The following SCN8A variants were observed in gnomAD, a reference collection of about 807,000 sequenced individuals.
The protein encoded by SCN8A is sodium voltage-gated channel alpha subunit 8.
SCN8A carries 30 observed loss-of-function variants against 184.1 expected under a neutral mutation model. The observed-to-expected ratio is 0.16, with a 90% CI of 0.12 to 0.22. SCN8A has a LOEUF of 0.22. SCN8A is among the 10% of genes least tolerant of loss of function. The pLI, the probability that SCN8A is intolerant of heterozygous loss-of-function variation, is 1.00. For synonymous variants in SCN8A, 852 were observed against 907.0 expected, an observed-to-expected ratio of 0.94 and a Z score of 1.09; for missense variants, 1,057 against 2,498.9, an observed-to-expected ratio of 0.42 and a Z score of 12.30.
intron 25 of SCN8A, among the ~76,000 whole-genome samples, chr12:51,793,576 A>G (rs990382790): frequency 2.6e-5 from 4 of 152,176 alleles, no homozygotes; most frequent in African/African-American, 9.7e-5. Flanking sequence ...AAATTTAGAG[A>G]AAGAAGGGAT....
At chr12:51,700,836 A>G (rs1485552456) in intron 7 of SCN8A, among the ~76,000 whole-genome samples, 1 of 152,186 alleles carries the variant, frequency 6.6e-6, no homozygotes, top group East Asian at 1.9e-4. Context: ...CAACTCAGAA[A>G]ACTTACTTTT....
rs1352614116 is a variant in SCN8A at position 51,807,069 on chromosome 12, G to C, written c.5583G>C (p.Glu1861Asp). ...AGCGGGTCCTGGGAGATAGCGGGGA[G>C]TTGGACATCCTGCGGCAGCAGATGG... is the stretch of plus-strand genomic sequence containing the variant. The part of the protein sequence containing the change: ...FTKRVLGDSG[E>D]LDILRQQMEE... The change falls in exon 27 of 27, where the codon GAG becomes GAC. Residue 1861 changes from glutamate to aspartate, a missense_variant. Glu to Asp is a conservative substitution (Grantham distance 45). This residue lies in a region of SCN8A where 50 missense variants were observed against 125.8 expected (regional missense o/e 0.40). Transcript: ENST00000627620. This position sits in a 1 kb window ranked among gnomAD's most constrained non-coding sequence, Gnocchi z 4.5. 3.1e-6 allele frequency: 5 copies of C among 1,613,928 alleles called. No homozygotes were observed. Among genetic ancestry groups the C allele is most frequent in the Non-Finnish European group, 4.2e-6 (5 of 1,179,908 alleles).
chr12:51,695,535 G>A (rs1296069041), intron 6 of SCN8A, among the ~76,000 whole-genome samples: 1 of 152,152 alleles, frequency 6.6e-6, no homozygotes, highest in Non-Finnish European at 1.5e-5. Context: ...ATAATTCAGG[G>A]AACCCAAGGG....
At chr12:51,797,808 A>G (rs1225477841) in intron 26 of SCN8A, among the ~76,000 whole-genome samples, 1 of 152,262 alleles carries the variant, frequency 6.6e-6, no homozygotes, top group African/African-American at 2.4e-5. Context: ...ACTTAGAGGT[A>G]GCCCAAAGTG....
At chr12:51,785,508 A>G (rs1300791040) in intron 21 of SCN8A, among the ~76,000 whole-genome samples, 1 of 152,260 alleles carries the variant, frequency 6.6e-6, no homozygotes, top group Non-Finnish European at 1.5e-5. Flanking sequence ...CTGATCAGCC[A>G]CATGTCCTGA....
intron 17 of SCN8A, 41 bp from the exon 18 acceptor site, chr12:51,769,827 G>A (rs1310956557): frequency 1.5e-6 from 2 of 1,331,728 alleles, no homozygotes; most frequent in East Asian, 2.5e-5. Context: ...TGGGCATGTT[G>A]CCTCAGAGCT....
At chr12:51,802,298 G>T (rs1022501991) in intron 26 of SCN8A, among the ~76,000 whole-genome samples, 4 of 152,156 alleles carry the variant, frequency 2.6e-5, no homozygotes, top group South Asian at 2.1e-4. Flanking sequence ...CAGCCTGGGT[G>T]GGGGAAGGGA....
chr12:51,690,453 A>G (rs1379825492), intron 6 of SCN8A, among the ~76,000 whole-genome samples: 3 of 152,132 alleles, frequency 2.0e-5, no homozygotes, highest in East Asian at 1.9e-4. Flanking sequence ...CCAGGGCCCA[A>G]GTGATCCTTC....
rs192779472 is a variant in SCN8A, at chr12:51,743,658, C to T, written c.1999-2245C>T. Among the ~76,000 whole-genome samples, 64 of 152,308 alleles carry T rather than the reference C, an allele frequency of 4.2e-4. 1 individual carries two copies. The East Asian group carries it at 0.01, about 24-fold the overall frequency. On this transcript the variant is annotated intron_variant, in intron 12 of 26. Transcript: ENST00000627620. Reference sequence around the variant, plus strand: ...ACAGCACAGGGTCTCGCCCAAGGCCCGCTGTAACCACTACATGGCTGCCAC... The same window carrying T: ...ACAGCACAGGGTCTCGCCCAAGGCCTGCTGTAACCACTACATGGCTGCCAC...
Position 51,724,869 on chromosome 12 carries a change from C to T in SCN8A, c.1998+2961C>T, listed in dbSNP as rs570360871. ...AGGGGTTTTGTTTTTGTTTTTTTAG[C>T]ACCTTCTGTTACACTGTGTGGGAGA... is the stretch of plus-strand genomic sequence containing the variant. On this transcript the variant is annotated intron_variant, in intron 12 of 26. Coordinates refer to ENST00000627620, the MANE Select transcript of SCN8A (RefSeq NM_001330260.2). Among the ~76,000 whole-genome samples, 4 of 152,174 alleles carry T rather than the reference C, an allele frequency of 2.6e-5. No individual in the cohort carries two copies. The South Asian group carries it at 6.2e-4, about 24-fold the overall frequency.
intron 11 of SCN8A, among the ~76,000 whole-genome samples, chr12:51,708,909 A>T (rs1292156773): frequency 6.6e-6 from 1 of 152,008 alleles, no homozygotes; most frequent in Non-Finnish European, 1.5e-5. Context: ...TGATTAAAAC[A>T]TCATCCCTAC....
chr12:51,714,560 T>C (rs1409295093), intron 11 of SCN8A, among the ~76,000 whole-genome samples: 3 of 152,190 alleles, frequency 2.0e-5, no homozygotes, highest in Non-Finnish European at 2.9e-5. Flanking sequence ...TTTGACCTCA[T>C]GAGCCTTCCT....
At chr12:51,674,083 G>A (rs1250990628) in intron 2 of SCN8A, among the ~76,000 whole-genome samples, 1 of 152,234 alleles carries the variant, frequency 6.6e-6, no homozygotes, top group African/African-American at 2.4e-5. Flanking sequence ...TGTAACTGAA[G>A]CATAGAGTGT....
At chr12:51,728,055 G>A (rs1478448247) in intron 12 of SCN8A, among the ~76,000 whole-genome samples, 2 of 152,110 alleles carry the variant, frequency 1.3e-5, no homozygotes, top group Non-Finnish European at 2.9e-5. Context: ...TGTACCCTAA[G>A]TTTAACAGAT....
intron 1 of SCN8A, among the ~76,000 whole-genome samples, chr12:51,648,208 A>C (rs1940633123): frequency 6.6e-6 from 1 of 152,200 alleles, no homozygotes; most frequent in African/African-American, 2.4e-5. Context: ...GAACTTGGAA[A>C]AGATAGAGTC....
In SCN8A at chr12:51,721,095, ATATATATATATAATATTTATTTATTGT is replaced by A. The variant is rs1202596604; in HGVS notation, c.1636-440_1636-414del. On this transcript the variant is annotated intron_variant, in intron 11 of 26. Transcript: ENST00000627620. The stretch of plus-strand genomic sequence containing the variant: ...AAAAAAAAAAATTATATATATATAT[ATATATATATATAATATTTATTTATTGT>A]TATATATATAATATTTATTTATTGT... Among the ~76,000 whole-genome samples, 529 of 73,104 alleles carry A rather than the reference ATATATATATATAATATTTATTTATTGT, an allele frequency of 7.2e-3. 6 individuals carry two copies. The highest frequency in any genetic ancestry group is 0.018 in the African/African-American group (411 of 22,254). 48.0% of individuals were successfully genotyped at this position (73,104 alleles called of 152,430 possible).
In SCN8A at chr12:51,606,973, C is replaced by CT. The variant is rs202162039; in HGVS notation, c.-55+15615dup. 7.9e-3 allele frequency among the ~76,000 whole-genome samples: 1,198 copies of CT among 152,014 alleles called. 11 individuals are homozygous for CT. Among genetic ancestry groups the CT allele is most frequent in the African/African-American group, 0.027 (1,109 of 41,436 alleles). ...AGTTCAGTGGCACGATCTCAGCTCA[C>CT]TGCAACCTCTGCCTCCCGGGCTCAA... On this transcript the variant is annotated intron_variant, in intron 1 of 26. Coordinates refer to ENST00000627620, the MANE Select transcript of SCN8A (RefSeq NM_001330260.2).
chr12:51,715,867 G>A (rs1230181785), intron 11 of SCN8A, among the ~76,000 whole-genome samples: 2 of 152,070 alleles, frequency 1.3e-5, no homozygotes, highest in African/African-American at 4.8e-5. Context: ...CCTAAAATGG[G>A]TGGCTAAGCT....
intron 12 of SCN8A, among the ~76,000 whole-genome samples, chr12:51,743,970 C>G (rs1942468625): frequency 6.6e-6 from 1 of 152,100 alleles, no homozygotes; most frequent in Non-Finnish European, 1.5e-5. Flanking sequence ...GCCACTGTAT[C>G]CACACCACTT....
Sources: gnomAD v4.1 joint callset for allele counts (sites outside exome capture counted in the v4.1 genomes callset) on GRCh38, gnomAD v4.1.1 for gene constraint, gnomAD v4.1.1 regional missense constraint, Gnocchi (gnomAD v3.1) non-coding constraint, MANE v1.5 for transcripts, NCBI Gene and HGNC (gene_info 2026-07-23, HGNC 2026-07-21) for gene names.